ASXL3: variants seen among roughly 807,000 people sequenced by gnomAD.
ASXL3 encodes the protein putative Polycomb group protein ASXL3.
In ASXL3, 34 loss-of-function variants were observed where a neutral mutation model predicts 170.6. That is an observed-to-expected ratio of 0.20 (90% confidence interval 0.15 to 0.27). The LOEUF (loss-of-function observed/expected upper bound fraction) is 0.27. Ranked by LOEUF, ASXL3 falls within the 10% of genes least tolerant of loss-of-function variation. The probability of loss-of-function intolerance (pLI) is 1.00; values close to 1 mark genes in which losing one functional copy is unlikely to be tolerated. For synonymous variants in ASXL3, 1,002 were observed against 989.1 expected (o/e 1.01, Z -0.24); for missense variants, 2,592 against 2,695.3 (o/e 0.96, Z 0.85).
intron 8 of ASXL3, among the ~76,000 whole-genome samples, chr18:33,713,047 G>T (rs554913201): frequency 1.3e-5 from 2 of 151,918 alleles, no homozygotes; most frequent in South Asian, 4.2e-4. Context: ...TACATCACAC[G>T]TGCTCACGTT....
At chr18:33,681,395 C>T (rs376856632) in intron 7 of ASXL3, among the ~76,000 whole-genome samples, 7 of 152,026 alleles carry the variant, frequency 4.6e-5, no homozygotes, top group African/African-American at 1.4e-4. Context: ...GATAGAGTTT[C>T]GATTTAGGAT....
chr18:33,738,481 G>T lies in ASXL3; in HGVS notation c.1083-6G>T. ...GAGCAATAATTTATTTCTAATTTCT[G>T]TACAGGCTGGGCATGTCAAGAGAGG... On this transcript the variant is annotated splice_polypyrimidine_tract_variant and splice_region_variant and intron_variant, in intron 10 of 11. Coordinates refer to ENST00000269197, the MANE Select transcript of ASXL3 (RefSeq NM_030632.3). 6.3e-7 allele frequency: 1 copy of T among 1,588,322 alleles called. No homozygotes were observed. Among genetic ancestry groups the T allele is most frequent in the Non-Finnish European group, 8.6e-7 (1 of 1,167,618 alleles).
intron 1 of ASXL3, among the ~76,000 whole-genome samples, chr18:33,596,004 C>T (rs1187885844): frequency 1.1e-4 from 16 of 152,026 alleles, no homozygotes; most frequent in Non-Finnish European, 1.8e-4. Flanking sequence ...TACATCAATT[C>T]TTTCTTGTCA....
intron 1 of ASXL3, among the ~76,000 whole-genome samples, chr18:33,595,238 T>C (rs1168066629): frequency 2.6e-5 from 4 of 152,190 alleles, no homozygotes; most frequent in African/African-American, 9.7e-5. Flanking sequence ...AAAATGTTTA[T>C]TTTTTTAGAT....
At chr18:33,599,240 T>C (rs373162632) in intron 1 of ASXL3, among the ~76,000 whole-genome samples, 3 of 152,288 alleles carry the variant, frequency 2.0e-5, no homozygotes, top group African/African-American at 7.2e-5. Context: ...ATTAGACTTA[T>C]ACATCAGGAA....
At chr18:33,730,597 A>G (rs1008912410) in intron 8 of ASXL3, among the ~76,000 whole-genome samples, 1 of 152,166 alleles carries the variant, frequency 6.6e-6, no homozygotes, top group Non-Finnish European at 1.5e-5. Context: ...TGGTAAACCT[A>G]TGAGGTGGGA....
chr18:33,671,892 T>G, intron 7 of ASXL3, 26 bp downstream of exon 7: 1 of 1,470,230 alleles, frequency 6.8e-7, no homozygotes, highest in Non-Finnish European at 9.0e-7. Flanking sequence ...ACTATGCCAT[T>G]TCACATTTTA....
chr18:33,619,782 T>C (rs754700354), intron 2 of ASXL3, among the ~76,000 whole-genome samples: 2 of 152,052 alleles, frequency 1.3e-5, no homozygotes, highest in Non-Finnish European at 2.9e-5. Context: ...ATCCAAAAGG[T>C]AATTTTAGAA....
intron 4 of ASXL3, among the ~76,000 whole-genome samples, chr18:33,651,976 T>A (rs545308418): frequency 6.3e-4 from 96 of 152,234 alleles, no homozygotes; most frequent in South Asian, 1.0e-3. Context: ...ATGTGTTTCT[T>A]TGACTTCTGA....
intron 2 of ASXL3, among the ~76,000 whole-genome samples, chr18:33,612,592 T>G (rs1428539696): frequency 6.6e-6 from 1 of 152,130 alleles, no homozygotes; most frequent in Non-Finnish European, 1.5e-5. Context: ...GTCTCTGTTA[T>G]GATATGCTGA....
intron 8 of ASXL3, among the ~76,000 whole-genome samples, chr18:33,701,569 C>T (rs990424951): frequency 6.6e-5 from 10 of 151,608 alleles, no homozygotes; most frequent in Non-Finnish European, 1.0e-4. Flanking sequence ...TTTTTTTCTT[C>T]ACTGATTTTT....
chr18:33,731,824 C>G, intron 8 of ASXL3, 144 bp from the exon 9 acceptor site: 2 of 600,984 alleles, frequency 3.3e-6, no homozygotes, highest in Non-Finnish European at 5.9e-6. Flanking sequence ...TCTCTCTCTC[C>G]CTTCTCCTTT....
At chr18:33,729,298 T>G (rs1284187156) in intron 8 of ASXL3, among the ~76,000 whole-genome samples, 1 of 152,176 alleles carries the variant, frequency 6.6e-6, no homozygotes, top group Non-Finnish European at 1.5e-5. Flanking sequence ...GAAGCATTTT[T>G]CTACAGTCTG....
chr18:33,589,243 G>T (rs2065058730), intron 1 of ASXL3, among the ~76,000 whole-genome samples: 1 of 152,170 alleles, frequency 6.6e-6, no homozygotes, highest in Admixed American at 6.5e-5. Flanking sequence ...AAGAGTGGTT[G>T]CAATATTTAA....
chr18:33,726,859 C>T (rs139109057), intron 8 of ASXL3, among the ~76,000 whole-genome samples: 52 of 152,266 alleles, frequency 3.4e-4, no homozygotes, highest in African/African-American at 1.2e-3. Flanking sequence ...CAGTGTGATC[C>T]TGTCCCCTCC....
intron 10 of ASXL3, among the ~76,000 whole-genome samples, chr18:33,737,333 A>G (rs1232565324): frequency 1.3e-5 from 2 of 152,174 alleles, no homozygotes; most frequent in South Asian, 2.1e-4. Flanking sequence ...GTTTGCATCA[A>G]TGTTACCATG....
chr18:33,747,560 C>T lies in ASXL3; in HGVS notation c.*965C>T, dbSNP rs2067817156. ...GTGGGGGGTGGAAATCATTGTAGCC[C>T]TTTATTGATGACACCCATTCATTCT... On this transcript the variant is annotated 3_prime_UTR_variant, in exon 12 of 12. Coordinates refer to ENST00000269197, the MANE Select transcript of ASXL3 (RefSeq NM_030632.3). 6.6e-6 allele frequency: 1 copy of T among 152,068 alleles called. No homozygotes were observed. Among genetic ancestry groups the T allele is most frequent in the Non-Finnish European group, 1.5e-5 (1 of 68,020 alleles). 9.4% of individuals were successfully genotyped at this position (152,068 alleles called of 1,614,324 possible). A position where few individuals can be genotyped will look rare whatever the true frequency, so the allele number is the denominator to read the frequency against.
rs150290994 is a variant in ASXL3, at chr18:33,690,567, A to G, written c.879+6999A>G. ...TTATTTCCAGATAGCTCTATCTTGT[A>G]AGCCATGAGTTCACACTGATACCTC... On this transcript the variant is annotated intron_variant, in intron 8 of 11. Coordinates refer to ENST00000269197, the MANE Select transcript of ASXL3 (RefSeq NM_030632.3). 1.3e-3 allele frequency among the ~76,000 whole-genome samples: 200 copies of G among 152,296 alleles called. 2 individuals carry two copies. Among genetic ancestry groups the G allele is most frequent in the Middle Eastern group, 3.4e-3 (1 of 294 alleles).
chr18:33,586,017 T>C (rs1661997234), intron 1 of ASXL3, among the ~76,000 whole-genome samples: 1 of 152,164 alleles, frequency 6.6e-6, no homozygotes. Context: ...ATTTATGACT[T>C]ATAGAAGGCA....
Sources: allele counts gnomAD v4.1 joint callset (sites outside exome capture counted in the v4.1 genomes callset), GRCh38; gene constraint gnomAD v4.1.1; transcripts MANE v1.5; gene names NCBI Gene and HGNC (gene_info 2026-07-23, HGNC 2026-07-21).